Variants in ARHGEF10L observed in about 807,000 individuals in gnomAD.
ARHGEF10L encodes the protein Rho guanine nucleotide exchange factor 10 like.
Under a neutral mutation model 141.2 loss-of-function variants are expected in ARHGEF10L, and 69 were observed. The observed-to-expected ratio is 0.49, with a 90% CI of 0.40 to 0.60. ARHGEF10L has a LOEUF of 0.60. Ranked by LOEUF, ARHGEF10L falls within the 20% of genes least tolerant of loss-of-function variation. The pLI, the probability that ARHGEF10L is intolerant of heterozygous loss-of-function variation, is 0.00. For synonymous variants in ARHGEF10L, 711 were observed against 718.5 expected (o/e 0.99, Z 0.17); for missense variants, 1,482 against 1,734.3 (o/e 0.85, Z 2.58).
rs187680451 is a variant in ARHGEF10L at position 17,579,167 on chromosome 1, T to C, written c.-43-1386T>C. Among the ~76,000 whole-genome samples the C allele has an allele frequency of 1.8e-4, 27 of 152,284 alleles. 1 individual carries two copies. In the East Asian group the frequency reaches 4.4e-3, roughly 25 times the overall value. The stretch of plus-strand genomic sequence containing the variant: ...TACTGAGTAGCTGGGATTAAAGGCA[T>C]GTGCCACCATGCCCAGCTAATTTTT... On this transcript the variant is annotated intron_variant, in intron 1 of 28. Transcript: ENST00000361221.
intron 26 of ARHGEF10L, among the ~76,000 whole-genome samples, chr1:17,672,373 CAA>C (rs756514814): frequency 3.9e-5 from 6 of 152,028 alleles, no homozygotes; most frequent in Admixed American, 1.3e-4. Flanking sequence ...TGGGAATTTG[CAA>C]AAGAGAAATT....
Position 17,627,486 on chromosome 1 carries a change from C to A in ARHGEF10L, c.1567C>A (p.Arg523Ser). The A allele has an allele frequency of 6.2e-7, 1 of 1,612,048 alleles. No homozygotes were observed. Among genetic ancestry groups the A allele is most frequent in the South Asian group, 1.1e-5 (1 of 90,984 alleles). ...IQQLTKSVSD[R>S]SSLNKLLTSG... ...GCAGCTGACCAAGAGCGTCAGTGAC[C>A]GCAGCAGCCTCAACAAGGTGAGCTG... The change falls in exon 15 of 29, where the codon CGC becomes AGC. Residue 523 changes from arginine (R) to serine (S), a missense_variant. Physicochemically the swap from Arg to Ser is moderately radical, Grantham distance 110. This residue lies in a region of ARHGEF10L where 392 missense variants were observed against 542.1 expected (regional missense o/e 0.72). Coordinates refer to ENST00000361221, the MANE Select transcript of ARHGEF10L (RefSeq NM_018125.4). This position sits in a 1 kb window ranked among gnomAD's most constrained non-coding sequence, Gnocchi z 4.0.
At chr1:17,642,494 G>C (rs2061381548) in intron 21 of ARHGEF10L, among the ~76,000 whole-genome samples, 2 of 152,172 alleles carry the variant, frequency 1.3e-5, no homozygotes, top group Admixed American at 6.5e-5. Context: ...ATAGTGTCCC[G>C]ATCTGATTTT....
intron 25 of ARHGEF10L, among the ~76,000 whole-genome samples, chr1:17,662,306 CAGA>C (rs560501451): frequency 4.5e-4 from 68 of 152,284 alleles, no homozygotes; most frequent in African/African-American, 1.4e-3. Context: ...ACTGTGTGCC[CAGA>C]TAAATATTCT....
chr1:17,547,351 C>G (rs543241014), intron 1 of ARHGEF10L, among the ~76,000 whole-genome samples: 161 of 152,290 alleles, frequency 1.1e-3, no homozygotes, highest in African/African-American at 3.8e-3. Flanking sequence ...CATGTTGGGC[C>G]CAAGATGAGG....
intron 26 of ARHGEF10L, among the ~76,000 whole-genome samples, chr1:17,682,089 C>CT (rs920919224): frequency 1.1e-3 from 161 of 152,258 alleles, no homozygotes; most frequent in African/African-American, 3.7e-3. Context: ...TTCGTGTTGG[C>CT]TCCTGGGTCC....
chr1:17,695,038 C>A, intron 27 of ARHGEF10L, 120 bp from the exon 28 acceptor site: 1 of 1,482,342 alleles, frequency 6.7e-7, no homozygotes, highest in Non-Finnish European at 9.3e-7. Context: ...CCCCACCGCC[C>A]AACTTCTTGC....
At chr1:17,613,362 A>G (rs895224716) in intron 8 of ARHGEF10L, among the ~76,000 whole-genome samples, 188 bp downstream of exon 8, 5 of 152,154 alleles carry the variant, frequency 3.3e-5, no homozygotes, top group African/African-American at 7.2e-5. Context: ...GCCTTAAGCC[A>G]CATGTTCCCT....
intron 22 of ARHGEF10L, among the ~76,000 whole-genome samples, chr1:17,653,873 G>C (rs557350432): frequency 1.3e-5 from 2 of 152,218 alleles, no homozygotes; most frequent in Non-Finnish European, 2.9e-5. Context: ...TAGGGCCCTC[G>C]CCCATGGCCA....
Position 17,697,301 on chromosome 1 carries a change from T to C in ARHGEF10L, c.3761T>C (p.Leu1254Pro), listed in dbSNP as rs2065583346. 6.2e-7 allele frequency: 1 copy of C among 1,612,448 alleles called. No homozygotes were observed. The highest frequency in any genetic ancestry group is 1.1e-5 in the South Asian group (1 of 91,044). ...GGCTACCGCAACTTTGGCAGCGCTC[T>C]GGGCAGCAGTGGGAGGCAGGCCCCG... ...GQGYRNFGSA[L>P]GSSGRQAPCG... The change falls in exon 29 of 29, where the codon CTG (leucine) becomes CCG (proline). Residue 1254 changes from leucine to proline, a missense_variant. Leu to Pro is a moderately conservative substitution (Grantham distance 98). Around this residue, in one of 3 missense-constraint regions of ARHGEF10L, gnomAD observed 858 missense variants for 966.3 expected, o/e 0.89. Transcript: ENST00000361221. This position sits in a 1 kb window ranked among gnomAD's most constrained non-coding sequence, Gnocchi z 4.8.
chr1:17,622,900 G>A (rs763434348), intron 11 of ARHGEF10L, 96 bp from the exon 12 acceptor site: 204 of 1,345,316 alleles, frequency 1.5e-4, no homozygotes, highest in Non-Finnish European at 2.0e-4. Context: ...CCGTGCCACG[G>A]GAAGGCCCAT....
the ARHGEF10L span, among the ~76,000 whole-genome samples, chr1:17,519,637 T>C: frequency 6.6e-6 from 1 of 151,422 alleles, no homozygotes; most frequent in Admixed American, 6.6e-5. Flanking sequence ...AGGAGGAAAC[T>C]CCATCATGGC....
chr1:17,518,803 A>C, the ARHGEF10L span, among the ~76,000 whole-genome samples: 1 of 30,798 alleles, frequency 3.2e-5, no homozygotes. Context: ...ATTCTGTCTC[A>C]AAAAAAAAAA....
At position 17,656,717 on chromosome 1, in the gene ARHGEF10L, T is replaced by C. The variant is rs1041556886; in HGVS notation, c.2860+9T>C. On this transcript the variant is annotated intron_variant, in intron 25 of 28. Coordinates refer to ENST00000361221, the MANE Select transcript of ARHGEF10L (RefSeq NM_018125.4). This position sits in a 1 kb window ranked among gnomAD's most constrained non-coding sequence, Gnocchi z 4.9. The stretch of plus-strand genomic sequence containing the variant: ...TTACCCTCGGACCAGCGGTGAGGAC[T>C]GGGGGGAATGGGGGAAGGGGGGCAG... The C allele has an allele frequency of 1.2e-6, 2 of 1,606,008 alleles. No homozygotes were observed. The highest frequency in any genetic ancestry group is 1.7e-6 in the Non-Finnish European group (2 of 1,175,868).
intron 1 of ARHGEF10L, among the ~76,000 whole-genome samples, chr1:17,563,000 A>G (rs1476931093): frequency 1.3e-5 from 2 of 152,150 alleles, no homozygotes; most frequent in African/African-American, 4.8e-5. Context: ...TGGCCTGTGC[A>G]GGAGGAGAGG....
intron 27 of ARHGEF10L, chr1:17,690,990 TAA>T (rs2065060673): frequency 3.1e-6 from 1 of 324,984 alleles, no homozygotes; most frequent in Non-Finnish European, 6.0e-6. Context: ...GTTCCTACAC[TAA>T]GTGTGGATTT....
chr1:17,591,986 G>A (rs1464187479), intron 4 of ARHGEF10L, among the ~76,000 whole-genome samples: 1 of 152,204 alleles, frequency 6.6e-6, no homozygotes, highest in Non-Finnish European at 1.5e-5. Flanking sequence ...AAATGGCAGG[G>A]CTGGGACTAG....
intron 2 of ARHGEF10L, among the ~76,000 whole-genome samples, chr1:17,586,218 C>T (rs145841862): frequency 6.6e-6 from 1 of 152,292 alleles, no homozygotes; most frequent in Non-Finnish European, 1.5e-5. Context: ...TCATGTCAGC[C>T]TTATGGGGAA....
At chr1:17,530,813 G>A in the ARHGEF10L span, among the ~76,000 whole-genome samples, 1 of 151,864 alleles carries the variant, frequency 6.6e-6, no homozygotes, top group African/African-American at 2.4e-5. Context: ...TTAGGAGTTC[G>A]AAACCAGCCT....
Sources: allele counts gnomAD v4.1 joint callset (sites outside exome capture counted in the v4.1 genomes callset), GRCh38; gene constraint gnomAD v4.1.1; regional missense constraint gnomAD v4.1.1; non-coding constraint Gnocchi (gnomAD v3.1); transcripts MANE v1.5; gene names NCBI Gene and HGNC (gene_info 2026-07-23, HGNC 2026-07-21).